ZNF536: variants seen among roughly 807,000 people sequenced by gnomAD.
ZNF536 encodes the protein zinc finger protein 536.
A neutral mutation model predicts 84.5 loss-of-function variants in ZNF536; 13 were observed. The observed-to-expected ratio is 0.15, with a 90% CI of 0.10 to 0.24. ZNF536 has a LOEUF of 0.24. Ranked by LOEUF, ZNF536 falls within the 10% of genes least tolerant of loss-of-function variation. The probability of loss-of-function intolerance (pLI) is 1.00; values close to 1 mark genes in which losing one functional copy is unlikely to be tolerated. For missense variants in ZNF536, 1,536 were observed against 1,747.5 expected (o/e 0.88, Z 2.16); for synonymous variants, 811 against 742.5 (o/e 1.09, Z -1.50).
chr19:30,440,015 C>T (rs2051960578), intron 1 of ZNF536, among the ~76,000 whole-genome samples: 1 of 133,870 alleles, frequency 7.5e-6, no homozygotes, highest in Non-Finnish European at 1.5e-5. Context: ...GGCTGGAGTG[C>T]AATGGCATGA....
chr19:30,437,298 A>G (rs1416515604), intron 1 of ZNF536, among the ~76,000 whole-genome samples: 1 of 152,214 alleles, frequency 6.6e-6, no homozygotes, highest in Non-Finnish European at 1.5e-5. Flanking sequence ...CTATTGGAAG[A>G]GTTAAGTGAA....
At chr19:30,626,612 C>T (rs1225310797) in intron 1 of ZNF536, among the ~76,000 whole-genome samples, 1 of 152,142 alleles carries the variant, frequency 6.6e-6, no homozygotes, top group African/African-American at 2.4e-5. Context: ...CCCCGCTACC[C>T]CCACTTGGAG....
chr19:30,688,458 A>G (rs1181113147), intron 1 of ZNF536, among the ~76,000 whole-genome samples: 4 of 152,208 alleles, frequency 2.6e-5, no homozygotes, highest in South Asian at 2.1e-4. Flanking sequence ...CATCAGCAGC[A>G]TCACTCACTT....
Position 30,648,415 on chromosome 19 carries a change from C to T in ZNF536, c.170-62342C>T, listed in dbSNP as rs920238100. 1.1e-4 allele frequency among the ~76,000 whole-genome samples: 16 copies of T among 152,122 alleles called. No individual in the cohort carries two copies. The South Asian group carries it at 1.2e-3, about 12-fold the overall frequency. ...CAAATCCTTTCTGCAAACCCACAGG[C>T]GCTCGACCTACATCACACCAAGGAG... is the stretch of plus-strand genomic sequence containing the variant. On this transcript the variant is annotated intron_variant, in intron 1 of 1. Transcript: ENST00000592773.
intron 1 of ZNF536, among the ~76,000 whole-genome samples, chr19:30,693,025 A>T (rs113296582): frequency 1.6e-5 from 2 of 125,858 alleles, no homozygotes; most frequent in African/African-American, 6.1e-5. Flanking sequence ...CCTGGGGGGG[A>T]GAGAGAGAGA....
intron 1 of ZNF536, among the ~76,000 whole-genome samples, chr19:30,439,313 C>G (rs1880217153): frequency 6.6e-6 from 1 of 152,202 alleles, no homozygotes; most frequent in African/African-American, 2.4e-5. Context: ...TGAACAGGCC[C>G]TCGAGGGCAG....
intron 1 of ZNF536, among the ~76,000 whole-genome samples, chr19:30,265,639 GA>G (rs1237612552): frequency 6.6e-6 from 1 of 152,192 alleles, no homozygotes; most frequent in South Asian, 2.1e-4. Context: ...ATATTCAGAG[GA>G]AAGGATAGCG....
chr19:30,339,428 A>C (rs897107387), intron 2 of ZNF536, among the ~76,000 whole-genome samples: 6 of 152,292 alleles, frequency 3.9e-5, no homozygotes, highest in Admixed American at 3.3e-4. Context: ...CTGCTGGGTG[A>C]GGTGCAGGTG....
At chr19:30,602,397 A>G (rs1364182385) in intron 1 of ZNF536, among the ~76,000 whole-genome samples, 2 of 152,308 alleles carry the variant, frequency 1.3e-5, no homozygotes, top group East Asian at 3.9e-4. Flanking sequence ...TGCAGCTCCC[A>G]TTCTTGTGGG....
chr19:30,513,393 G>T (rs867468615), intron 2 of ZNF536, among the ~76,000 whole-genome samples: 5 of 152,168 alleles, frequency 3.3e-5, no homozygotes, highest in South Asian at 2.1e-4. Context: ...AGGACAGCAG[G>T]CACCTTTTTC....
chr19:30,658,561 G>A (rs991837255), intron 1 of ZNF536, among the ~76,000 whole-genome samples: 20 of 151,326 alleles, frequency 1.3e-4, no homozygotes, highest in South Asian at 6.3e-4. Context: ...ACACACACAC[G>A]CATACACCTG....
At chr19:30,699,925 G>A (rs1038353596) in intron 1 of ZNF536, among the ~76,000 whole-genome samples, 16 of 152,302 alleles carry the variant, frequency 1.1e-4, no homozygotes, top group Admixed American at 3.3e-4. Context: ...CCCCCAGGCC[G>A]GCGGGGCCCA....
intron 1 of ZNF536, among the ~76,000 whole-genome samples, chr19:30,708,188 C>A (rs2052323798): frequency 6.6e-6 from 1 of 152,036 alleles, no homozygotes; most frequent in Admixed American, 6.6e-5. Flanking sequence ...TTTGGGAGGA[C>A]CAGTACATAC....
intron 1 of ZNF536, among the ~76,000 whole-genome samples, chr19:30,281,676 A>G (rs995181134): frequency 2.0e-5 from 3 of 152,164 alleles, no homozygotes; most frequent in Admixed American, 2.0e-4. Flanking sequence ...GTGCTTTAAG[A>G]GGGAAGCAGG....
intron 1 of ZNF536, among the ~76,000 whole-genome samples, chr19:30,700,578 G>A (rs2051898580): frequency 6.6e-6 from 1 of 151,970 alleles, no homozygotes; most frequent in South Asian, 2.1e-4. Context: ...GTAGGGATGA[G>A]GGCTTATTAT....
chr19:30,457,009 T>C (rs2052880987), intron 2 of ZNF536, among the ~76,000 whole-genome samples: 1 of 138,896 alleles, frequency 7.2e-6, no homozygotes, highest in African/African-American at 2.7e-5. Flanking sequence ...ACCACTGCGC[T>C]CCAGCCTAGG....
intron 1 of ZNF536, among the ~76,000 whole-genome samples, chr19:30,237,230 C>T (rs1249546503): frequency 1.3e-5 from 2 of 152,078 alleles, no homozygotes; most frequent in African/African-American, 4.8e-5. Context: ...CAAATACCAC[C>T]TTCAATAAAA....
chr19:30,626,747 C>G (rs936111657), intron 1 of ZNF536, among the ~76,000 whole-genome samples: 9 of 152,154 alleles, frequency 5.9e-5, no homozygotes, highest in Admixed American at 5.9e-4. Flanking sequence ...CTTAATTACT[C>G]GTGCAGAAGG....
At chr19:30,653,027 C>T (rs1419531223) in intron 1 of ZNF536, among the ~76,000 whole-genome samples, 1 of 152,162 alleles carries the variant, frequency 6.6e-6, no homozygotes, top group African/African-American at 2.4e-5. Context: ...CTATTTCTAG[C>T]CTAGTAAGGT....
Sources: allele counts gnomAD v4.1 joint callset (sites outside exome capture counted in the v4.1 genomes callset), GRCh38; gene constraint gnomAD v4.1.1; transcripts MANE v1.5; gene names NCBI Gene and HGNC (gene_info 2026-07-23, HGNC 2026-07-21).